YAP1: variants seen among roughly 807,000 people sequenced by gnomAD.
YAP1 encodes Yes1 associated transcriptional regulator.
A neutral mutation model predicts 56.9 loss-of-function variants in YAP1; 5 were observed. The observed-to-expected ratio is 0.09, with a 90% CI of 0.05 to 0.18. The LOEUF is 0.18. Ranked by LOEUF, YAP1 falls within the 10% of genes least tolerant of loss-of-function variation. The pLI is 1.00. For synonymous variants in YAP1, 265 were observed against 248.1 expected (o/e 1.07, Z -0.64); for missense variants, 539 against 651.8 (o/e 0.83, Z 1.88).
chr11:102,205,186 C>T (rs1284115974), intron 4 of YAP1, among the ~76,000 whole-genome samples: 1 of 151,020 alleles, frequency 6.6e-6, no homozygotes, highest in East Asian at 1.9e-4. Context: ...AGGCTTTGTG[C>T]TGGGGGTTAC....
At chr11:102,191,717 A>G (rs185554500) in intron 4 of YAP1, among the ~76,000 whole-genome samples, 3 of 152,096 alleles carry the variant, frequency 2.0e-5, no homozygotes, top group East Asian at 3.9e-4. Flanking sequence ...TCTCACTCTC[A>G]TCGCCCAGGC....
intron 3 of YAP1, among the ~76,000 whole-genome samples, chr11:102,185,357 C>CT (rs1565243193): frequency 6.6e-6 from 1 of 152,070 alleles, no homozygotes; most frequent in Non-Finnish European, 1.5e-5. Flanking sequence ...GTTTGCCTTC[C>CT]AACAACTTTA....
intron 4 of YAP1, among the ~76,000 whole-genome samples, chr11:102,200,509 A>G (rs967759414): frequency 5.9e-5 from 9 of 151,320 alleles, no homozygotes; most frequent in Middle Eastern, 3.4e-3. Context: ...CAATGATGCA[A>G]TCTCAGCGTG....
At chr11:102,212,315 C>A (rs973036082) in intron 6 of YAP1, among the ~76,000 whole-genome samples, 20 of 152,168 alleles carry the variant, frequency 1.3e-4, no homozygotes, top group Admixed American at 1.3e-3. Context: ...TCTTTAAGTA[C>A]TTCCTATAGG....
At chr11:102,180,245 G>C (rs144710084) in intron 3 of YAP1, among the ~76,000 whole-genome samples, 1 of 151,964 alleles carries the variant, frequency 6.6e-6, no homozygotes, top group African/African-American at 2.4e-5. Flanking sequence ...TCGAACTCCT[G>C]ACCTCATGAT....
intron 2 of YAP1, among the ~76,000 whole-genome samples, chr11:102,150,209 C>G (rs1565460449): frequency 6.6e-6 from 1 of 151,958 alleles, no homozygotes; most frequent in Non-Finnish European, 1.5e-5. Flanking sequence ...GTCTTGAACT[C>G]CTGAGCTCAG....
chr11:102,115,599 CTTTTTTT>C (rs36092201), intron 2 of YAP1, among the ~76,000 whole-genome samples: 48 of 150,562 alleles, frequency 3.2e-4, no homozygotes, highest in African/African-American at 1.0e-3. Flanking sequence ...TTCTTTTCTT[CTTTTTTT>C]TTAAAAAAAT....
intron 3 of YAP1, among the ~76,000 whole-genome samples, chr11:102,185,100 A>T (rs1947877248): frequency 6.6e-6 from 1 of 152,220 alleles, no homozygotes. Flanking sequence ...TGACCATCCC[A>T]GTTTGTATCT....
At chr11:102,191,140 C>T (rs1480781045) in intron 4 of YAP1, among the ~76,000 whole-genome samples, 1 of 150,988 alleles carries the variant, frequency 6.6e-6, no homozygotes, top group Non-Finnish European at 1.5e-5. Flanking sequence ...CACCACTGCA[C>T]TCCAGCCTGG....
intron 2 of YAP1, among the ~76,000 whole-genome samples, chr11:102,116,111 C>T (rs950202144): frequency 1.3e-5 from 2 of 152,092 alleles, no homozygotes; most frequent in Non-Finnish European, 2.9e-5. Context: ...ATACAGTTGG[C>T]CTTCCGTATC....
At chr11:102,210,450 C>T (rs1459752313) in intron 6 of YAP1, among the ~76,000 whole-genome samples, 3 of 152,150 alleles carry the variant, frequency 2.0e-5, no homozygotes, top group Non-Finnish European at 2.9e-5. Context: ...TCCGTTGGAG[C>T]ACCATGATGA....
At chr11:102,162,418 G>C in intron 2 of YAP1, 38 bp from the exon 3 acceptor site, 5 of 1,570,622 alleles carry the variant, frequency 3.2e-6, no homozygotes, top group Non-Finnish European at 4.4e-6. Flanking sequence ...TTGGAACCTG[G>C]TATTTGTTTC....
chr11:102,116,531 C>T (rs1943298052), intron 2 of YAP1, among the ~76,000 whole-genome samples: 1 of 152,104 alleles, frequency 6.6e-6, no homozygotes, highest in Admixed American at 6.6e-5. Flanking sequence ...GGGTATATAC[C>T]TTCCAACCCC....
At chr11:102,179,912 A>C (rs1233625215) in intron 3 of YAP1, among the ~76,000 whole-genome samples, 1 of 152,146 alleles carries the variant, frequency 6.6e-6, no homozygotes, top group African/African-American at 2.4e-5. Context: ...ATAATGCAGA[A>C]ATTGAGCTTA....
intron 8 of YAP1, 23 bp from the exon 9 acceptor site, chr11:102,229,679 T>C: frequency 6.2e-7 from 1 of 1,604,782 alleles, no homozygotes; most frequent in South Asian, 1.1e-5. Flanking sequence ...AAGGACTTTG[T>C]TATCTCTGTG....
intron 1 of YAP1, among the ~76,000 whole-genome samples, chr11:102,111,741 T>C (rs993457733): frequency 4.6e-5 from 7 of 152,148 alleles, no homozygotes; most frequent in Non-Finnish European, 1.0e-4. Flanking sequence ...AGTCAAATAA[T>C]TGTTCTCTTG....
In YAP1 at chr11:102,172,300, A is replaced by ATTT. The variant is rs752185861; in HGVS notation, c.688+9755_688+9757dup. On this transcript the variant is annotated intron_variant, in intron 3 of 8. Coordinates refer to ENST00000282441, the MANE Select transcript of YAP1 (RefSeq NM_001130145.3). ...TAGTGGAAAGGAAGAACAGTGAAGA[A>ATTT]TTTTTTTTTTTTTTTTTTTTTTTTT... Among the ~76,000 whole-genome samples, 132 of 110,836 alleles carry ATTT rather than the reference A, an allele frequency of 1.2e-3. 7 individuals carry two copies. The highest frequency in any genetic ancestry group is 4.1e-3 in the African/African-American group (96 of 23,580). The allele number at this position is 110,836 out of a possible 152,430, so 72.7% of individuals were successfully genotyped here.
At position 102,204,582 on chromosome 11, in the gene YAP1, C is replaced by T. The variant is rs115574339; in HGVS notation, c.803-1311C>T. Among the ~76,000 whole-genome samples the T allele has an allele frequency of 4.4e-3, 667 of 152,184 alleles. 4 individuals are homozygous for T. The highest frequency in any genetic ancestry group is 0.015 in the African/African-American group (635 of 41,520). On this transcript the variant is annotated intron_variant, in intron 4 of 8. Transcript: ENST00000282441. ...ATGGGCCCAGCCTTGTGAGGTTTTGCTCAAGTAGTCTCCAAGAAGAAATGG... is the reference window on the plus strand; with the variant it reads ...ATGGGCCCAGCCTTGTGAGGTTTTGTTCAAGTAGTCTCCAAGAAGAAATGG...
At chr11:102,138,542 C>T (rs1031118597) in intron 2 of YAP1, among the ~76,000 whole-genome samples, 2 of 152,206 alleles carry the variant, frequency 1.3e-5, no homozygotes, top group African/African-American at 4.8e-5. Context: ...AATTTCACTT[C>T]TACCACATTC....
Sources: gnomAD v4.1 joint callset for allele counts (sites outside exome capture counted in the v4.1 genomes callset) on GRCh38, gnomAD v4.1.1 for gene constraint, MANE v1.5 for transcripts, NCBI Gene and HGNC (gene_info 2026-07-23, HGNC 2026-07-21) for gene names.